Variants in WNT7A observed in about 807,000 individuals in gnomAD.
WNT7A encodes the protein protein Wnt-7a.
In WNT7A, 16 loss-of-function variants were observed where a neutral mutation model predicts 28.2. That is an observed-to-expected ratio of 0.57 (90% CI 0.38 to 0.86). The LOEUF (loss-of-function observed/expected upper bound fraction) is 0.86. Ranked by LOEUF, WNT7A falls within the 40% of genes least tolerant of loss-of-function variation. The probability of loss-of-function intolerance (pLI) is 0.00; values close to 1 mark genes in which losing one functional copy is unlikely to be tolerated. For missense variants in WNT7A, 411 were observed against 489.7 expected (o/e 0.84, Z 1.52); for synonymous variants, 190 against 195.9 (o/e 0.97, Z 0.25).
intron 3 of WNT7A, among the ~76,000 whole-genome samples, chr3:13,840,160 T>C (rs1049916768): frequency 6.6e-6 from 1 of 152,238 alleles, no homozygotes; most frequent in African/African-American, 2.4e-5. Context: ...ATTCCCCAGA[T>C]GGCTCATTTC....
At chr3:13,821,990 A>G (rs1694117954) in intron 3 of WNT7A, among the ~76,000 whole-genome samples, 1 of 152,262 alleles carries the variant, frequency 6.6e-6, no homozygotes, top group Admixed American at 6.5e-5. Context: ...AGCACATGAG[A>G]AGATGTTCAG....
chr3:13,868,592 G>GAAGAAAGAA (rs1559306974), intron 2 of WNT7A, among the ~76,000 whole-genome samples: 11 of 16,916 alleles, frequency 6.5e-4, no homozygotes, highest in African/African-American at 3.0e-3. Context: ...GAGAGAGAGG[G>GAAGAAAGAA]AGAAAGAAAG....
chr3:13,862,209 C>CGATACATAT (rs1238364737), intron 2 of WNT7A, among the ~76,000 whole-genome samples: 9 of 152,208 alleles, frequency 5.9e-5, no homozygotes, highest in African/African-American at 2.2e-4. Flanking sequence ...GGATAAAGAA[C>CGATACATAT]GATACATATT....
At chr3:13,820,874 A>C (rs987571343) in intron 3 of WNT7A, among the ~76,000 whole-genome samples, 1 of 152,216 alleles carries the variant, frequency 6.6e-6, no homozygotes, top group African/African-American at 2.4e-5. Flanking sequence ...ACAGGCATCC[A>C]AAGTGTTCAG....
intron 2 of WNT7A, 88 bp from the exon 3 acceptor site, chr3:13,854,891 G>A (rs1447908967): frequency 6.4e-6 from 10 of 1,560,324 alleles, no homozygotes; most frequent in Non-Finnish European, 8.7e-6. Flanking sequence ...GTGAGGCTGA[G>A]CTCAATGCAA....
At chr3:13,868,934 G>A (rs1215942497) in intron 2 of WNT7A, among the ~76,000 whole-genome samples, 1 of 138,254 alleles carries the variant, frequency 7.2e-6, no homozygotes, top group Non-Finnish European at 1.5e-5. Flanking sequence ...AAAGAAGGAA[G>A]GAAGGAAAAG....
At chr3:13,840,134 C>T (rs1402187520) in intron 3 of WNT7A, among the ~76,000 whole-genome samples, 1 of 152,228 alleles carries the variant, frequency 6.6e-6, no homozygotes, top group African/African-American at 2.4e-5. Flanking sequence ...TTGCAATTCC[C>T]TCTGACTCAA....
At chr3:13,875,217 G>T in intron 1 of WNT7A, 44 bp from the exon 2 acceptor site, 1 of 1,603,814 alleles carries the variant, frequency 6.2e-7, no homozygotes. Context: ...GGCCAGCAAG[G>T]GGGCATGGCC....
intron 2 of WNT7A, among the ~76,000 whole-genome samples, chr3:13,858,193 G>C (rs1467700972): frequency 1.3e-5 from 2 of 152,130 alleles, no homozygotes; most frequent in Non-Finnish European, 2.9e-5. Context: ...CAGTGGGCAG[G>C]CACCACCGGC....
intron 3 of WNT7A, among the ~76,000 whole-genome samples, chr3:13,844,360 G>A (rs1694506321): frequency 6.6e-6 from 1 of 152,196 alleles, no homozygotes; most frequent in African/African-American, 2.4e-5. Flanking sequence ...CCTTGAGAGG[G>A]GCACACAGTG....
At chr3:13,847,305 C>T (rs529213027) in intron 3 of WNT7A, among the ~76,000 whole-genome samples, 39 of 152,318 alleles carry the variant, frequency 2.6e-4, no homozygotes, top group African/African-American at 9.1e-4. Flanking sequence ...CCTCCTGGTC[C>T]CTACCTCAGC....
chr3:13,854,388 C>A, intron 3 of WNT7A, 144 bp downstream of exon 3: 1 of 1,372,132 alleles, frequency 7.3e-7, no homozygotes, highest in Non-Finnish European at 1.0e-6. Flanking sequence ...TGACCAGCTA[C>A]AAGCTGATGC....
chr3:13,869,020 AAGAGAGAAAGTGAGAG>A (rs1334185005), intron 2 of WNT7A, among the ~76,000 whole-genome samples: 5 of 121,790 alleles, frequency 4.1e-5, no homozygotes, highest in Admixed American at 8.6e-5. Context: ...GAGAGAGAGA[AAGAGAGAAAGTGAGAG>A]AGAGAGAAAG....
In WNT7A at chr3:13,854,682, CTGGCCTT is replaced by C. The variant is rs749278942; in HGVS notation, c.413_419del (p.Gln138ArgfsTer41). 2 of 1,614,184 alleles carry C rather than the reference CTGGCCTT, an allele frequency of 1.2e-6. No individual in the cohort carries two copies. Among genetic ancestry groups the C allele is most frequent in the Non-Finnish European group, 1.7e-6 (2 of 1,180,044 alleles). On this transcript the variant is annotated frameshift_variant, in exon 3 of 4. Transcript: ENST00000285018. LOFTEE classifies it high-confidence loss of function. ...ACTTCCAGCCCTCGTCCCGGTGGTA[CTGGCCTT>C]GCTTCTCTTTGTCGCAGCCACAGTC...
intron 1 of WNT7A, 33 bp from the exon 2 acceptor site, chr3:13,875,206 A>T: frequency 6.2e-7 from 1 of 1,610,886 alleles, no homozygotes; most frequent in Non-Finnish European, 8.5e-7. Context: ...ATGGAGCATT[A>T]GGCCAGCAAG....
intron 3 of WNT7A, among the ~76,000 whole-genome samples, chr3:13,822,253 G>A (rs1694122930): frequency 6.6e-6 from 1 of 152,186 alleles, no homozygotes; most frequent in Admixed American, 6.5e-5. Context: ...ATGAAAACAT[G>A]TCCACAATAA....
chr3:13,856,259 C>G (rs532141466), intron 2 of WNT7A, among the ~76,000 whole-genome samples: 3 of 152,344 alleles, frequency 2.0e-5, no homozygotes, highest in African/African-American at 7.2e-5. Flanking sequence ...GGGACTTGGG[C>G]GAGCTCCTTC....
intron 1 of WNT7A, among the ~76,000 whole-genome samples, chr3:13,875,684 A>G (rs1316312749): frequency 3.9e-5 from 6 of 152,210 alleles, no homozygotes; most frequent in African/African-American, 1.2e-4. Flanking sequence ...TATATGTAAC[A>G]TATACTCTCA....
chr3:13,870,300 G>A (rs1459694199), intron 2 of WNT7A, among the ~76,000 whole-genome samples: 1 of 152,174 alleles, frequency 6.6e-6, no homozygotes, highest in Non-Finnish European at 1.5e-5. Flanking sequence ...AAGGAGACCA[G>A]GACACAAGAG....
Sources: allele counts gnomAD v4.1 joint callset (sites outside exome capture counted in the v4.1 genomes callset), GRCh38; gene constraint gnomAD v4.1.1; transcripts MANE v1.5; gene names NCBI Gene and HGNC (gene_info 2026-07-23, HGNC 2026-07-21).